JAKMIP1: variants seen among roughly 807,000 people sequenced by gnomAD.
JAKMIP1 encodes janus kinase and microtubule-interacting protein 1.
In JAKMIP1, 33 loss-of-function variants were observed where a neutral mutation model predicts 113.0. The observed-to-expected ratio is 0.29, with a 90% CI of 0.22 to 0.39. JAKMIP1 has a LOEUF of 0.39. Ranked by LOEUF, JAKMIP1 falls within the 10% of genes least tolerant of loss-of-function variation. JAKMIP1 has a pLI of 1.00. For synonymous variants in JAKMIP1, 480 were observed against 459.9 expected (o/e 1.04, Z -0.56); for missense variants, 813 against 1,080.5 (o/e 0.75, Z 3.47).
intron 1 of JAKMIP1, among the ~76,000 whole-genome samples, chr4:6,161,927 G>A (rs986721687): frequency 6.6e-6 from 1 of 152,208 alleles, no homozygotes; most frequent in African/African-American, 2.4e-5. Context: ...GGGACACCTG[G>A]GAGGACGTGG....
rs922602028 is a variant in JAKMIP1, at chr4:6,127,860, G to A, written c.-147-14863C>T. Among the ~76,000 whole-genome samples, 24 of 152,322 alleles carry A rather than the reference G, an allele frequency of 1.6e-4. No homozygotes were observed. In the South Asian group the frequency reaches 1.7e-3, roughly 11 times the overall value. ...AAGAAGCAAACAAAAACTGACGCCCGTCTAACCTCTGCCCTTAGCTCCTCC... is the reference window on the plus strand; with the variant it reads ...AAGAAGCAAACAAAAACTGACGCCCATCTAACCTCTGCCCTTAGCTCCTCC... On this transcript the variant is annotated intron_variant, in intron 1 of 20. Coordinates refer to ENST00000409021, the MANE Select transcript of JAKMIP1 (RefSeq NM_001099433.2).
chr4:6,117,726 C>CCG (rs1462214405), intron 1 of JAKMIP1, among the ~76,000 whole-genome samples: 11 of 151,876 alleles, frequency 7.2e-5, no homozygotes, highest in Non-Finnish European at 1.5e-4. Flanking sequence ...AGGTACGCCC[C>CCG]GGGGGGCCAG....
In JAKMIP1 at chr4:6,105,681, T is replaced by C; in HGVS notation, c.416A>G (p.Glu139Gly). ...CTCTCCATCGAAGGCCCTGCGCGCC[T>C]CCTCGCGCGCCTCGGTCAGCAGCGC... is the stretch of plus-strand genomic sequence containing the variant. ...KTALLTEARE[E>G]ARRAFDGERL... The change falls in exon 3 of 21, where the codon GAG becomes GGG. Residue 139 changes from glutamate (E) to glycine (G), a missense_variant. By Grantham distance (98) the Glu-to-Gly change is moderately conservative. Transcript: ENST00000409021. 1 of 1,603,088 alleles carries C rather than the reference T, an allele frequency of 6.2e-7. No homozygotes were observed. Among genetic ancestry groups the C allele is most frequent in the Non-Finnish European group, 8.5e-7 (1 of 1,177,188 alleles).
intron 10 of JAKMIP1, 124 bp from the exon 11 acceptor site, chr4:6,060,631 C>A: frequency 1.4e-6 from 1 of 731,188 alleles, no homozygotes; most frequent in Non-Finnish European, 2.5e-6. Flanking sequence ...GGAACAGGTT[C>A]ACTTTTAGGA....
chr4:6,061,013 G>T lies in JAKMIP1; in HGVS notation c.1561-506C>A, dbSNP rs1717191647. Among the ~76,000 whole-genome samples, 1 of 152,206 alleles carries T rather than the reference G, an allele frequency of 6.6e-6. No homozygotes were observed. Among genetic ancestry groups the T allele is most frequent in the Non-Finnish European group, 1.5e-5 (1 of 68,048 alleles). ...CAAGAAAGTCATATAAATAAGGGAA[G>T]TCAACTGGGTGTGGGGTAACAGGGA... On this transcript the variant is annotated intron_variant, in intron 10 of 20. Transcript: ENST00000409021. The surrounding 1 kb of genome is among the most constrained non-coding windows in gnomAD (Gnocchi z 5.3).
intron 1 of JAKMIP1, among the ~76,000 whole-genome samples, chr4:6,147,426 T>C (rs1481134332): frequency 6.6e-6 from 1 of 152,148 alleles, no homozygotes; most frequent in African/African-American, 2.4e-5. Context: ...GTCTGGGCAA[T>C]GGCCTGGTGA....
At chr4:6,127,943 T>C (rs1717956372) in intron 1 of JAKMIP1, among the ~76,000 whole-genome samples, 1 of 152,198 alleles carries the variant, frequency 6.6e-6, no homozygotes, top group South Asian at 2.1e-4. Flanking sequence ...AGGAGCCCTT[T>C]AGAGATCGGG....
In JAKMIP1 at chr4:6,085,570, C is replaced by A; in HGVS notation, c.684G>T (p.Val228=). The part of the protein sequence containing the change: ...VILALEKELG[V]QAGQTQKLLL... ...GCAGCTTCTGGGTCTGCCCAGCCTG[C>A]ACGCCAAGTTCCTTCTCCAAGGCCA... Residue 228 remains valine, a synonymous_variant, in exon 4 of 21, where the codon GTG becomes GTT. Transcript: ENST00000409021. 6.2e-7 allele frequency: 1 copy of A among 1,614,234 alleles called. No homozygotes were observed. Among genetic ancestry groups the A allele is most frequent in the Non-Finnish European group, 8.5e-7 (1 of 1,180,046 alleles).
chr4:6,027,430 G>A lies in JAKMIP1; in HGVS notation c.2446-1152C>T, dbSNP rs143436029. ...GAAACTGAGGCCTGGGAAGAGGGAA[G>A]GATTCGTTAAGACCATCCAGTGGGG... On this transcript the variant is annotated intron_variant, in intron 20 of 20. Transcript: ENST00000409021. 5.1e-3 allele frequency among the ~76,000 whole-genome samples: 775 copies of A among 152,296 alleles called. 7 individuals are homozygous for A. Among genetic ancestry groups the A allele is most frequent in the African/African-American group, 0.018 (734 of 41,542 alleles).
intron 1 of JAKMIP1, among the ~76,000 whole-genome samples, chr4:6,170,006 C>CATTCCCAT (rs1477362180): frequency 8.6e-5 from 12 of 139,024 alleles, no homozygotes; most frequent in African/African-American, 2.9e-4. Flanking sequence ...ACCACCACCA[C>CATTCCCAT]CACCCTCACC....
rs759490764 is a variant in JAKMIP1 at position 6,112,878 on chromosome 4, T to C, written c.-28A>G. The C allele has an allele frequency of 6.2e-7, 1 of 1,610,566 alleles. No individual in the cohort carries two copies. The highest frequency in any genetic ancestry group is 8.5e-7 in the Non-Finnish European group (1 of 1,178,520). The stretch of plus-strand genomic sequence containing the variant: ...TTCCCCTTGGGTCAGAGTGCTGAGA[T>C]CCTGCGGTCCACACCTGTTCACGCA... On this transcript the variant is annotated 5_prime_UTR_variant, in exon 2 of 21. Coordinates refer to ENST00000409021, the MANE Select transcript of JAKMIP1 (RefSeq NM_001099433.2).
At chr4:6,083,704 A>C (rs4689333) in intron 5 of JAKMIP1, among the ~76,000 whole-genome samples, 70,425 of 151,646 alleles carry the variant, frequency 0.46, 17,564 homozygotes, top group East Asian at 0.7. Context: ...ACTTTTCACC[A>C]CTCATTTTTT....
intron 2 of JAKMIP1, among the ~76,000 whole-genome samples, chr4:6,112,216 G>T (rs538805992): frequency 6.6e-6 from 1 of 152,160 alleles, no homozygotes; most frequent in African/African-American, 2.4e-5. Context: ...ACAAATAGCC[G>T]AAGCTCAGCC....
In JAKMIP1 at chr4:6,065,394, G is replaced by A. The variant is rs183872800; in HGVS notation, c.1303-386C>T. ...TGCCCAGAAAGCAGCCCAGCACTCC[G>A]TCACGCTCCATGAGCAGCGCACTGG... On this transcript the variant is annotated intron_variant, in intron 8 of 20. Coordinates refer to ENST00000409021, the MANE Select transcript of JAKMIP1 (RefSeq NM_001099433.2). The surrounding 1 kb of genome is among the most constrained non-coding windows in gnomAD (Gnocchi z 5.1). 6.2e-4 allele frequency among the ~76,000 whole-genome samples: 95 copies of A among 152,346 alleles called. No individual in the cohort carries two copies. Among genetic ancestry groups the A allele is most frequent in the African/African-American group, 2.1e-3 (87 of 41,586 alleles).
intron 1 of JAKMIP1, among the ~76,000 whole-genome samples, chr4:6,147,244 G>A (rs551565134): frequency 8.5e-5 from 13 of 152,288 alleles, no homozygotes; most frequent in African/African-American, 3.1e-4. Flanking sequence ...ACAGAGGTGT[G>A]AGCCACCGCA....
chr4:6,140,178 G>C lies in JAKMIP1; in HGVS notation c.-147-27181C>G, dbSNP rs563186265. Among the ~76,000 whole-genome samples, 1 of 151,954 alleles carries C rather than the reference G, an allele frequency of 6.6e-6. No individual in the cohort carries two copies. Among genetic ancestry groups the C allele is most frequent in the African/African-American group, 2.4e-5 (1 of 41,320 alleles). On this transcript the variant is annotated intron_variant, in intron 1 of 20. Coordinates refer to ENST00000409021, the MANE Select transcript of JAKMIP1 (RefSeq NM_001099433.2). This position sits in a 1 kb window ranked among gnomAD's most constrained non-coding sequence, Gnocchi z 9.4. ...CACACAGGGGAGAAAGGCTGACAGCGGCAGAAACAATCAATGTTCACGTGG... is the reference window on the plus strand; with the variant it reads ...CACACAGGGGAGAAAGGCTGACAGCCGCAGAAACAATCAATGTTCACGTGG...
At chr4:6,098,716 GAAAGAAAAAGAAAGAA>G (rs1712439290) in intron 3 of JAKMIP1, among the ~76,000 whole-genome samples, 2 of 6,980 alleles carry the variant, frequency 2.9e-4, no homozygotes, top group Non-Finnish European at 9.8e-4. Flanking sequence ...AAGAAAGAAA[GAAAGAAAAAGAAAGAA>G]AGAGAAGGAA....
At chr4:6,048,194 T>A (rs1715234662) in intron 16 of JAKMIP1, among the ~76,000 whole-genome samples, 1 of 152,236 alleles carries the variant, frequency 6.6e-6, no homozygotes, top group Non-Finnish European at 1.5e-5. Flanking sequence ...ACATGCCATG[T>A]CAAGCATAAA....
chr4:6,146,686 T>C (rs1057197068), intron 1 of JAKMIP1, among the ~76,000 whole-genome samples: 2 of 152,210 alleles, frequency 1.3e-5, no homozygotes, highest in Non-Finnish European at 2.9e-5. Flanking sequence ...GTGGTTAAGA[T>C]GGTCAATGTT....
Sources: allele counts gnomAD v4.1 joint callset (sites outside exome capture counted in the v4.1 genomes callset), GRCh38; gene constraint gnomAD v4.1.1; non-coding constraint Gnocchi (gnomAD v3.1); transcripts MANE v1.5; gene names NCBI Gene and HGNC (gene_info 2026-07-23, HGNC 2026-07-21).